The following RAD54L variants were observed in gnomAD, a reference collection of about 807,000 sequenced individuals.
RAD54L encodes RAD54 like, also known as DNA repair and recombination protein RAD54-like.
In RAD54L, 74 loss-of-function variants were observed where a neutral mutation model predicts 91.6. The observed-to-expected ratio is 0.81, with a 90% CI of 0.67 to 0.98. The LOEUF (loss-of-function observed/expected upper bound fraction) is 0.98. Ranked by LOEUF, RAD54L falls within the 50% of genes least tolerant of loss-of-function variation. The pLI is 0.00. For synonymous variants in RAD54L, 304 were observed against 349.7 expected, an observed-to-expected ratio of 0.87 and a Z score of 1.46; for missense variants, 887 against 945.7, an observed-to-expected ratio of 0.94 and a Z score of 0.81.
chr1:46,249,136 A>G (rs1659733613), intron 2 of RAD54L, among the ~76,000 whole-genome samples: 2 of 152,190 alleles, frequency 1.3e-5, no homozygotes. Context: ...ACCAAAATAA[A>G]TAGGACAGTG....
intron 16 of RAD54L, among the ~76,000 whole-genome samples, chr1:46,276,384 C>T (rs896110882): frequency 2.6e-5 from 4 of 151,962 alleles, no homozygotes; most frequent in Non-Finnish European, 4.4e-5. Context: ...AGGCTGGTCT[C>T]GAACATCTGG....
intron 15 of RAD54L, 35 bp downstream of exon 15, chr1:46,274,251 C>T: frequency 1.9e-6 from 3 of 1,562,500 alleles, no homozygotes; most frequent in Non-Finnish European, 2.6e-6. Context: ...ACCACCAATG[C>T]AGTATCATCA....
chr1:46,264,857 GCTC>G (rs1284856847), intron 8 of RAD54L, among the ~76,000 whole-genome samples: 2 of 152,212 alleles, frequency 1.3e-5, no homozygotes, highest in African/African-American at 4.8e-5. Flanking sequence ...TTGTCCCTGT[GCTC>G]CTCATTGAGA....
intron 4 of RAD54L, among the ~76,000 whole-genome samples, chr1:46,259,746 A>G (rs2148286663): frequency 6.6e-6 from 1 of 151,946 alleles, no homozygotes; most frequent in African/African-American, 2.4e-5. Context: ...ACTGCACTCC[A>G]GCCTGGGCAA....
At position 46,275,876 on chromosome 1, in the gene RAD54L, T is replaced by G. The variant is rs568838707; in HGVS notation, c.1869+1159T>G. ...TCTAGGCTGGGTGCTGGAGGATCAC[T>G]TGAGGCTAAGAGTTCGAGGCTATAG... On this transcript the variant is annotated intron_variant, in intron 16 of 17. Coordinates refer to ENST00000371975, the MANE Select transcript of RAD54L (RefSeq NM_003579.4). Among the ~76,000 whole-genome samples, 4 of 152,168 alleles carry G rather than the reference T, an allele frequency of 2.6e-5. No individual in the cohort carries two copies. In the East Asian group the frequency reaches 7.7e-4, roughly 29 times the overall value.
At chr1:46,249,555 C>T (rs1659742704) in intron 2 of RAD54L, among the ~76,000 whole-genome samples, 1 of 152,192 alleles carries the variant, frequency 6.6e-6, no homozygotes, top group African/African-American at 2.4e-5. Flanking sequence ...CTTTTAGTGC[C>T]AGTGTCCTCA....
At position 46,273,827 on chromosome 1, in the gene RAD54L, G is replaced by A. The variant is rs1404555098; in HGVS notation, c.1610+80G>A. 3 of 1,542,292 alleles carry A rather than the reference G, an allele frequency of 1.9e-6. No individual in the cohort carries two copies. In the African/African-American group the frequency reaches 4.1e-5, roughly 21 times the overall value. On this transcript the variant is annotated intron_variant, in intron 14 of 17. Coordinates refer to ENST00000371975, the MANE Select transcript of RAD54L (RefSeq NM_003579.4). ...CTGTCTAGTTCTGATTTGTGGATGT[G>A]GGCCAAGATCTGGGCACATAAGGGC...
chr1:46,260,135 C>G (rs576502018), intron 5 of RAD54L, 36 bp downstream of exon 5: 2 of 1,613,802 alleles, frequency 1.2e-6, no homozygotes, highest in African/African-American at 2.7e-5. Flanking sequence ...AGTTTTGGTT[C>G]TCTGTATATG....
chr1:46,249,051 C>T (rs146042551), intron 2 of RAD54L, among the ~76,000 whole-genome samples: 8 of 152,270 alleles, frequency 5.3e-5, no homozygotes, highest in Admixed American at 2.0e-4. Flanking sequence ...GTATATTCTA[C>T]TTTAGGTTGG....
At chr1:46,250,921 A>T (rs1342594705) in intron 3 of RAD54L, among the ~76,000 whole-genome samples, 2 of 151,688 alleles carry the variant, frequency 1.3e-5, no homozygotes, top group African/African-American at 4.8e-5. Context: ...CAGTGAGTCA[A>T]GATCACGCCA....
intron 10 of RAD54L, among the ~76,000 whole-genome samples, chr1:46,271,454 G>A (rs1254667108): frequency 6.6e-6 from 1 of 152,126 alleles, no homozygotes; most frequent in Non-Finnish European, 1.5e-5. Flanking sequence ...TAAGGAGTTC[G>A]AGACCAGCCT....
intron 8 of RAD54L, among the ~76,000 whole-genome samples, chr1:46,261,913 T>G (rs968132069): frequency 2.0e-5 from 3 of 151,962 alleles, no homozygotes; most frequent in African/African-American, 7.3e-5. Context: ...GTGGATCACT[T>G]GAGCCCAGGA....
In RAD54L at chr1:46,274,644, A is replaced by G. The variant is rs761763749; in HGVS notation, c.1796A>G (p.Asn599Ser). Residue 599 changes from asparagine (N) to serine (S), a missense_variant, in exon 16 of 18, where the codon AAT becomes AGT. Transcript: ENST00000371975. ...TTTGACCCTGACTGGAACCCAGCCAATGATGAACAAGCCATGGCCCGGGTC... is the reference window on the plus strand; with the variant it reads ...TTTGACCCTGACTGGAACCCAGCCAGTGATGAACAAGCCATGGCCCGGGTC... ...VMFDPDWNPA[N>S]DEQAMARVWR... The G allele has an allele frequency of 4.3e-6, 7 of 1,614,044 alleles. No individual in the cohort carries two copies. The Admixed American group carries it at 1.2e-4, about 27-fold the overall frequency.
rs575165406 is a variant in RAD54L at position 46,265,910 on chromosome 1, T to A, written c.892-1549T>A. ...AATCTTAGTTTCTTCATCTCTAAAA[T>A]GGATAATACAATTTCCATTCGTGTG... On this transcript the variant is annotated intron_variant, in intron 8 of 17. Transcript: ENST00000371975. The surrounding 1 kb of genome is among the most constrained non-coding windows in gnomAD (Gnocchi z 4.8). Among the ~76,000 whole-genome samples the A allele has an allele frequency of 6.6e-6, 1 of 152,368 alleles. No homozygotes were observed. Among genetic ancestry groups the A allele is most frequent in the South Asian group, 2.1e-4 (1 of 4,832 alleles).
chr1:46,267,537 T>TC lies in RAD54L; in HGVS notation c.972dup (p.Gly325ArgfsTer7). 1 of 1,613,830 alleles carries TC rather than the reference T, an allele frequency of 6.2e-7. No homozygotes were observed. Among genetic ancestry groups the TC allele is most frequent in the Non-Finnish European group, 8.5e-7 (1 of 1,179,746 alleles). ...GAACACCAGCCGGCGGGTGCTCATC[T>TC]CCGGAACTCCCATCCAGAATGATCT... On this transcript the variant is annotated frameshift_variant, in exon 9 of 18. Transcript: ENST00000371975. LOFTEE classifies it high-confidence loss of function.
At chr1:46,275,953 T>TAA (rs11378327) in intron 16 of RAD54L, among the ~76,000 whole-genome samples, 21 of 147,178 alleles carry the variant, frequency 1.4e-4, no homozygotes, top group Admixed American at 6.8e-4. Context: ...GATCCCGTCT[T>TAA]AAAAAAAAAA....
chr1:46,264,328 C>T (rs563333619), intron 8 of RAD54L, among the ~76,000 whole-genome samples: 3 of 152,288 alleles, frequency 2.0e-5, no homozygotes, highest in African/African-American at 7.2e-5. Context: ...CTGTTCAGAC[C>T]CTGGAAAGGG....
intron 3 of RAD54L, 85 bp downstream of exon 3, chr1:46,250,204 G>T: frequency 6.4e-7 from 1 of 1,554,380 alleles, no homozygotes; most frequent in African/African-American, 1.4e-5. Flanking sequence ...CACTCCCTCA[G>T]TGCTTTCTAG....
chr1:46,275,788 CTA>C (rs1487715660), intron 16 of RAD54L, among the ~76,000 whole-genome samples: 2 of 152,096 alleles, frequency 1.3e-5, no homozygotes, highest in Non-Finnish European at 2.9e-5. Flanking sequence ...AAACAGGAGA[CTA>C]TGAATTTTTC....
Sources: gnomAD v4.1 joint callset for allele counts (sites outside exome capture counted in the v4.1 genomes callset) on GRCh38, gnomAD v4.1.1 for gene constraint, Gnocchi (gnomAD v3.1) non-coding constraint, MANE v1.5 for transcripts, NCBI Gene and HGNC (gene_info 2026-07-23, HGNC 2026-07-21) for gene names.